The following TENM1 variants were observed in gnomAD, a reference collection of about 807,000 sequenced individuals.
TENM1 encodes the protein teneurin transmembrane protein 1.
Under a neutral mutation model 174.8 loss-of-function variants are expected in TENM1, and 35 were observed. The observed-to-expected ratio is 0.20, with a 90% CI of 0.15 to 0.27. The LOEUF (loss-of-function observed/expected upper bound fraction) is 0.27, where lower values mean the gene tolerates loss of function less well. TENM1 is among the 10% of genes least tolerant of loss of function. The probability of loss-of-function intolerance (pLI) is 1.00; values close to 1 mark genes in which losing one functional copy is unlikely to be tolerated. For missense variants in TENM1, 1,633 were observed against 2,130.1 expected (o/e 0.77, Z 4.59); for synonymous variants, 781 against 798.7 (o/e 0.98, Z 0.37).
At chrX:124,498,325 G>A (rs1189820377) in intron 19 of TENM1, among the ~76,000 whole-genome samples, 1 of 111,036 alleles carries the variant, frequency 9.0e-6, no homozygotes, top group Admixed American at 9.6e-5. Context: ...TGGTCTCCAT[G>A]CATATCCATT....
chrX:125,150,021 T>A, the TENM1 span, among the ~76,000 whole-genome samples: 1 of 110,691 alleles, frequency 9.0e-6, no homozygotes, highest in Non-Finnish European at 1.9e-5. Flanking sequence ...TCTCCACGAG[T>A]TATTGAAGGA....
At chrX:125,048,742 ATTGTATGGTCTGCTGTGCT>A in the TENM1 span, among the ~76,000 whole-genome samples, 1 of 111,259 alleles carries the variant, frequency 9.0e-6, no homozygotes, top group Non-Finnish European at 1.9e-5. Flanking sequence ...AAATGAGTGA[ATTGTATGGTCTGCTGTGCT>A]TTGTATGGTC....
intron 6 of TENM1, among the ~76,000 whole-genome samples, chrX:124,664,046 C>T (rs1424210046): frequency 9.0e-6 from 1 of 111,450 alleles, no homozygotes. Context: ...ATCTATATAG[C>T]ATTATAGGAA....
chrX:124,963,620 G>A (rs1029073017), exon 1 of TENM1: 2 of 1,211,330 alleles, frequency 1.7e-6, no homozygotes, highest in Non-Finnish European at 2.2e-6. Flanking sequence ...CTCGTGCAGG[G>A]TCTCCCTGGA....
At chrX:124,453,003 A>T (rs1377264469) in intron 23 of TENM1, among the ~76,000 whole-genome samples, 1 of 111,338 alleles carries the variant, frequency 9.0e-6, no homozygotes, top group Non-Finnish European at 1.9e-5. Context: ...TAGAACTTAA[A>T]GTATAATAAA....
chrX:124,965,611 CTG>C (rs1030042233), upstream of TENM1, among the ~76,000 whole-genome samples: 2 of 111,418 alleles, frequency 1.8e-5, no homozygotes, highest in African/African-American at 3.3e-5. Context: ...AACCTACAAA[CTG>C]TGTATGGAGA....
intron 22 of TENM1, among the ~76,000 whole-genome samples, chrX:124,478,114 C>A (rs1407357004): frequency 8.9e-6 from 1 of 112,256 alleles, no homozygotes; most frequent in Non-Finnish European, 1.9e-5. Flanking sequence ...ATCATCCTGA[C>A]CCCTTCAGTT....
chrX:124,988,151 T>G, the TENM1 span, among the ~76,000 whole-genome samples: 2 of 111,822 alleles, frequency 1.8e-5, no homozygotes, highest in Non-Finnish European at 3.8e-5. Context: ...TAAGAAGTGC[T>G]GGCTATGGAA....
chrX:124,418,120 C>T (rs1420913424), intron 25 of TENM1, among the ~76,000 whole-genome samples: 1 of 112,326 alleles, frequency 8.9e-6, no homozygotes, highest in Admixed American at 9.4e-5. Flanking sequence ...CTTCTTTACT[C>T]AAAACTCTCC....
chrX:124,826,028 G>A (rs1368180664), intron 3 of TENM1, among the ~76,000 whole-genome samples: 1 of 111,611 alleles, frequency 9.0e-6, no homozygotes, highest in Non-Finnish European at 1.9e-5. Flanking sequence ...TGTCTATTCT[G>A]TCTGACCTAT....
intron 23 of TENM1, among the ~76,000 whole-genome samples, chrX:124,449,505 G>C (rs1383736969): frequency 8.9e-6 from 1 of 112,283 alleles, no homozygotes; most frequent in Non-Finnish European, 1.9e-5. Flanking sequence ...AAACAGAAAA[G>C]TTGTTTAGAG....
exon 27 of TENM1, chrX:124,405,190 G>A (rs1257042692): frequency 1.7e-6 from 2 of 1,211,705 alleles, no homozygotes; most frequent in Non-Finnish European, 2.2e-6. Flanking sequence ...CTGAGCTGAG[G>A]CCGATCTCCA....
chrX:124,808,568 A>T lies in TENM1; in HGVS notation c.536-71371T>A, dbSNP rs183319508. On this transcript the variant is annotated intron_variant, in intron 3 of 31. Coordinates refer to ENST00000422452, the Ensembl canonical transcript of TENM1. ...TCACATGGAACATTCTCCTGGATAG[A>T]TATGTTAGATCATAAAACCAGTCAA... 3.8e-3 allele frequency among the ~76,000 whole-genome samples: 426 copies of T among 112,346 alleles called. 1 individual carries two copies. Among genetic ancestry groups the T allele is most frequent in the African/African-American group, 0.013 (395 of 31,008 alleles).
At chrX:124,926,552 A>T (rs890082593) in intron 1 of TENM1, among the ~76,000 whole-genome samples, 1 of 111,837 alleles carries the variant, frequency 8.9e-6, no homozygotes, top group Non-Finnish European at 1.9e-5. Flanking sequence ...GATGGTAAGC[A>T]ATGTGTCTAT....
chrX:124,423,111 G>A (rs1030294597), intron 23 of TENM1, among the ~76,000 whole-genome samples: 3 of 112,219 alleles, frequency 2.7e-5, no homozygotes, highest in Non-Finnish European at 5.6e-5. Flanking sequence ...TCCTGTAGAC[G>A]TATAGGAGAG....
chrX:124,747,544 A>T (rs2053952088), intron 3 of TENM1, among the ~76,000 whole-genome samples: 1 of 106,554 alleles, frequency 9.4e-6, no homozygotes, highest in South Asian at 4.6e-4. Flanking sequence ...TGATGGCAAA[A>T]ACCTCAATTA....
chrX:125,182,615 T>G, the TENM1 span, among the ~76,000 whole-genome samples: 30 of 111,210 alleles, frequency 2.7e-4, no homozygotes, highest in South Asian at 4.2e-3. Flanking sequence ...TCATAGAAAC[T>G]CCATACCTAC....
chrX:125,038,342 T>C, the TENM1 span, among the ~76,000 whole-genome samples: 1 of 110,415 alleles, frequency 9.1e-6, no homozygotes, highest in African/African-American at 3.3e-5. Flanking sequence ...GTCGGTCAGG[T>C]TACTTAGCCT....
chrX:124,629,811 T>C lies in TENM1; in HGVS notation c.2077+11980A>G, dbSNP rs138746188. ...AGGTCCCAGGATCCTTCCCCATATA[T>C]GCTCATTGCCAACTTTCTAGAGATT... On this transcript the variant is annotated intron_variant, in intron 11 of 31. Coordinates refer to ENST00000422452, the Ensembl canonical transcript of TENM1. Among the ~76,000 whole-genome samples the C allele has an allele frequency of 6.4e-3, 718 of 112,183 alleles. 6 individuals carry two copies. Among genetic ancestry groups the C allele is most frequent in the Non-Finnish European group, 8.4e-3 (446 of 53,205 alleles).
Sources: gnomAD v4.1 joint callset for allele counts (sites outside exome capture counted in the v4.1 genomes callset) on GRCh38, gnomAD v4.1.1 for gene constraint, MANE v1.5 for transcripts, NCBI Gene and HGNC (gene_info 2026-07-23, HGNC 2026-07-21) for gene names.